HHIPL2: variants seen among roughly 807,000 people sequenced by gnomAD.
HHIPL2 encodes HHIP like 2.
A neutral mutation model predicts 61.0 loss-of-function variants in HHIPL2; 61 were observed. That is an observed-to-expected ratio of 1.00 (90% confidence interval 0.81 to 1.24). The LOEUF (loss-of-function observed/expected upper bound fraction) is 1.24. HHIPL2 is among the 50% of genes most tolerant of loss of function. The pLI is 0.00. For synonymous variants in HHIPL2, 343 were observed against 357.4 expected, an observed-to-expected ratio of 0.96 and a Z score of 0.45; for missense variants, 885 against 910.2, an observed-to-expected ratio of 0.97 and a Z score of 0.36.
intron 1 of HHIPL2, 22 bp downstream of exon 1, chr1:222,547,702 G>T (rs1434631960): frequency 6.3e-7 from 1 of 1,599,810 alleles, no homozygotes; most frequent in African/African-American, 1.3e-5. Flanking sequence ...AACCCCTGGG[G>T]CTGGAAGGCA....
chr1:222,529,839 T>C (rs2102612162), intron 6 of HHIPL2, among the ~76,000 whole-genome samples: 1 of 152,254 alleles, frequency 6.6e-6, no homozygotes, highest in East Asian at 1.9e-4. Flanking sequence ...GGATGTGAAG[T>C]GCAGCCATAG....
At chr1:222,535,640 C>T (rs570119754) in intron 5 of HHIPL2, among the ~76,000 whole-genome samples, 5 of 152,206 alleles carry the variant, frequency 3.3e-5, no homozygotes, top group Admixed American at 6.5e-5. Context: ...CTCATGGCCC[C>T]ACATCACGTC....
chr1:222,528,818 T>G (rs547275979), intron 6 of HHIPL2, among the ~76,000 whole-genome samples: 10 of 134,864 alleles, frequency 7.4e-5, no homozygotes, highest in African/African-American at 2.4e-4. Context: ...TTTAAACAAC[T>G]AATTTTTTTT....
chr1:222,523,766 G>C lies in HHIPL2; in HGVS notation c.1806-72C>G, dbSNP rs1000095086. On this transcript the variant is annotated intron_variant, in intron 7 of 8. Coordinates refer to ENST00000343410, the MANE Select transcript of HHIPL2 (RefSeq NM_024746.4). ...CAACCGGAAAATCAAGGTTACCAGA[G>C]GGCGTATATTTGCAAGAATTGGGGT... 6.2e-6 allele frequency: 9 copies of C among 1,443,968 alleles called. No individual in the cohort carries two copies. The East Asian group carries it at 2.0e-4, about 33-fold the overall frequency. The allele number at this position is 1,443,968 out of a possible 1,614,324, so 89.4% of individuals were successfully genotyped here.
rs1553271590 is a variant in HHIPL2, at chr1:222,546,047, A to AAATAAATAAATAAATAAAT, written c.321+1676_321+1677insATTTATTTATTTATTTATT. On this transcript the variant is annotated intron_variant, in intron 1 of 8. Coordinates refer to ENST00000343410, the MANE Select transcript of HHIPL2 (RefSeq NM_024746.4). ...GTGACAGAGTAAGACTCTGTCTCAAAAAATAAATAAATAAATAAATAAATA... is the reference window on the plus strand; with the variant it reads ...GTGACAGAGTAAGACTCTGTCTCAAAAATAAATAAATAAATAAATAAATAAATAAATAAATAAATAAATA... Among the ~76,000 whole-genome samples the AAATAAATAAATAAATAAAT allele has an allele frequency of 1.3e-3, 186 of 141,354 alleles. 1 individual carries two copies. Among genetic ancestry groups the AAATAAATAAATAAATAAAT allele is most frequent in the Non-Finnish European group, 2.4e-3 (157 of 65,522 alleles). The allele number at this position is 141,354 out of a possible 152,430, so 92.7% of individuals were successfully genotyped here.
At chr1:222,536,783 G>A (rs1469805565) in intron 5 of HHIPL2, among the ~76,000 whole-genome samples, 1 of 152,046 alleles carries the variant, frequency 6.6e-6, no homozygotes, top group Non-Finnish European at 1.5e-5. Flanking sequence ...CGGGCAGTGA[G>A]TCATGCCTGT....
rs1659587746 is a variant in HHIPL2 at position 222,547,826 on chromosome 1, GTGC to G, written c.216_218del (p.Gln72del). On this transcript the variant is annotated inframe_deletion, in exon 1 of 9. Transcript: ENST00000343410. ...ACCGGGCAGCGATGCGGCGGTCCTT[GTGC>G]TGATCACAGCAGCCGAAGGACTCAT... 1 of 1,614,046 alleles carries G rather than the reference GTGC, an allele frequency of 6.2e-7. No homozygotes were observed. Among genetic ancestry groups the G allele is most frequent in the African/African-American group, 1.3e-5 (1 of 74,926 alleles).
chr1:222,529,490 A>G (rs1158395825), intron 6 of HHIPL2, among the ~76,000 whole-genome samples: 2 of 152,218 alleles, frequency 1.3e-5, no homozygotes, highest in Non-Finnish European at 2.9e-5. Flanking sequence ...ACTGGACTGC[A>G]GTTTGTGTAA....
intron 5 of HHIPL2, 129 bp from the exon 6 acceptor site, chr1:222,532,240 G>A: frequency 1.3e-6 from 1 of 744,142 alleles, no homozygotes; most frequent in Non-Finnish European, 2.0e-6. Context: ...TAACTAGCCT[G>A]CCTCCAAGCA....
rs772529784 is a variant in HHIPL2 at position 222,542,154 on chromosome 1, C to T, written c.976G>A (p.Val326Ile). The T allele has an allele frequency of 3.7e-6, 6 of 1,611,838 alleles. No homozygotes were observed. Among genetic ancestry groups the T allele is most frequent in the Non-Finnish European group, 5.1e-6 (6 of 1,179,574 alleles). The change falls in exon 3 of 9, where the codon GTC (valine) becomes ATC (isoleucine). Residue 326 changes from valine (V) to isoleucine (I), a missense_variant and splice_region_variant. By Grantham distance (29) the Val-to-Ile change is conservative. Coordinates refer to ENST00000343410, the MANE Select transcript of HHIPL2 (RefSeq NM_024746.4). ...GCTGGTTCTTCAATCTCCAAGATGA[C>T]CCTGGAAGAGAAAAAAGAAACCACA... ...PNKADLKSER[V>I]ILEIEEPASN...
intron 1 of HHIPL2, among the ~76,000 whole-genome samples, chr1:222,545,669 G>T (rs1659538996): frequency 6.6e-6 from 1 of 152,090 alleles, no homozygotes. Context: ...TTGCAAATTT[G>T]CTTCTACTCA....
intron 5 of HHIPL2, 63 bp from the exon 6 acceptor site, chr1:222,532,174 C>G: frequency 6.9e-7 from 1 of 1,456,960 alleles, no homozygotes; most frequent in Non-Finnish European, 9.3e-7. Context: ...AATACTTTTT[C>G]TCCTAGAATC....
rs2102622328 is a variant in HHIPL2, at chr1:222,543,806, G to A, written c.705C>T (p.Ala235=). ...AGDGTHRFFV[A]EQVGVVWVYL... is the part of the protein sequence containing the mutation. ...AGACCCACACCACTCCTACCTGCTC[G>A]GCAACAAAGAAGCGATGGGTGCCGT... is the stretch of plus-strand genomic sequence containing the variant. Residue 235 remains alanine (A), a synonymous_variant, in exon 2 of 9, where the codon GCC becomes GCT. Transcript: ENST00000343410. The A allele has an allele frequency of 1.2e-6, 2 of 1,614,056 alleles. No homozygotes were observed. The highest frequency in any genetic ancestry group is 1.7e-6 in the Non-Finnish European group (2 of 1,180,014).
At chr1:222,524,897 T>A (rs1659026701) in intron 7 of HHIPL2, 1 of 152,182 alleles carries the variant, frequency 6.6e-6, no homozygotes, top group Non-Finnish European at 1.5e-5. Flanking sequence ...AGAACTGAGT[T>A]CCTATTCCAG....
chr1:222,529,055 C>G (rs932778446), intron 6 of HHIPL2, among the ~76,000 whole-genome samples: 7 of 152,198 alleles, frequency 4.6e-5, no homozygotes, highest in South Asian at 2.1e-4. Flanking sequence ...CTCCTGCACT[C>G]AAGCAATCCT....
At chr1:222,529,058 G>A (rs1344738264) in intron 6 of HHIPL2, among the ~76,000 whole-genome samples, 2 of 151,982 alleles carry the variant, frequency 1.3e-5, no homozygotes, top group African/African-American at 4.8e-5. Context: ...CTGCACTCAA[G>A]CAATCCTCCC....
chr1:222,527,715 G>A (rs558825035), intron 6 of HHIPL2, among the ~76,000 whole-genome samples: 2 of 152,270 alleles, frequency 1.3e-5, no homozygotes, highest in South Asian at 2.1e-4. Flanking sequence ...GTGACCCAAT[G>A]GGAGATAATT....
intron 1 of HHIPL2, among the ~76,000 whole-genome samples, chr1:222,546,010 A>G (rs1659546368): frequency 6.9e-6 from 1 of 144,664 alleles, no homozygotes; most frequent in African/African-American, 2.5e-5. Context: ...GTGCCACTGC[A>G]CTCCATCCTG....
Position 222,544,066 on chromosome 1 carries a change from A to T in HHIPL2, c.445T>A (p.Ser149Thr). 1 of 1,614,134 alleles carries T rather than the reference A, an allele frequency of 6.2e-7. No homozygotes were observed. Among genetic ancestry groups the T allele is most frequent in the Non-Finnish European group, 8.5e-7 (1 of 1,180,034 alleles). Reference sequence around the variant, plus strand: ...AGGCCGCGGTCATTGGTCAGCAGGGAAATGGCTGAGTGACAGTTAGAATGG... The same window carrying T: ...AGGCCGCGGTCATTGGTCAGCAGGGTAATGGCTGAGTGACAGTTAGAATGG... ...AFHSNCHSAI[S>T]LLTNDRGLQE... is the part of the protein sequence containing the mutation. The change falls in exon 2 of 9, where the codon TCC (serine) becomes ACC (threonine). Residue 149 changes from serine (S) to threonine (T), a missense_variant. By Grantham distance (58) the Ser-to-Thr change is moderately conservative (BLOSUM62 1). Coordinates refer to ENST00000343410, the MANE Select transcript of HHIPL2 (RefSeq NM_024746.4).
Sources: allele counts gnomAD v4.1 joint callset (sites outside exome capture counted in the v4.1 genomes callset), GRCh38; gene constraint gnomAD v4.1.1; transcripts MANE v1.5; gene names NCBI Gene and HGNC (gene_info 2026-07-23, HGNC 2026-07-21).